Variants in DLGAP2 observed in about 807,000 individuals in gnomAD.
DLGAP2 encodes the protein DLG associated protein 2, also known as disks large-associated protein 2.
DLGAP2 carries 26 observed loss-of-function variants against 100.3 expected under a neutral mutation model. The ratio of observed to expected loss-of-function variants is 0.26; its 90% CI spans 0.19 to 0.36. The LOEUF (loss-of-function observed/expected upper bound fraction) is 0.36, where lower values mean the gene tolerates loss of function less well. Among genes scored for constraint, DLGAP2 ranks in the 10% least tolerant of loss-of-function variants. The probability of loss-of-function intolerance (pLI) is 1.00; values close to 1 mark genes in which losing one functional copy is unlikely to be tolerated. For synonymous variants in DLGAP2, 886 were observed against 630.1 expected (o/e 1.41, Z -6.08); for missense variants, 1,858 against 1,453.2 (o/e 1.28, Z -4.53).
At chr8:1,279,491 C>T (rs1022631263) in intron 3 of DLGAP2, among the ~76,000 whole-genome samples, 4 of 152,180 alleles carry the variant, frequency 2.6e-5, no homozygotes, top group Admixed American at 6.5e-5. Context: ...GAAGGTGCTG[C>T]GGAGGGAAAT....
intron 2 of DLGAP2, among the ~76,000 whole-genome samples, chr8:1,036,012 C>T (rs534578968): frequency 2.6e-5 from 3 of 114,108 alleles, no homozygotes; most frequent in Non-Finnish European, 5.8e-5. Context: ...CTCATCCCGA[C>T]CCCGCGTGTC....
chr8:1,456,653 AAAAAT>A (rs1166624487), intron 3 of DLGAP2, among the ~76,000 whole-genome samples: 2 of 151,862 alleles, frequency 1.3e-5, no homozygotes, highest in Non-Finnish European at 2.9e-5. Context: ...GCATCATTAG[AAAAAT>A]AAAATGAGAC....
At chr8:914,030 A>G (rs1798541982) in intron 2 of DLGAP2, among the ~76,000 whole-genome samples, 1 of 152,268 alleles carries the variant, frequency 6.6e-6, no homozygotes, top group Non-Finnish European at 1.5e-5. Flanking sequence ...GTATTTACAC[A>G]TACAAGATTA....
intron 1 of DLGAP2, among the ~76,000 whole-genome samples, chr8:806,160 T>G (rs940930079): frequency 1.3e-5 from 2 of 152,230 alleles, no homozygotes; most frequent in Admixed American, 6.5e-5. Context: ...TGCAGCTGAC[T>G]TGACTAATCG....
chr8:1,565,942 T>C lies in DLGAP2; in HGVS notation c.1442+48T>C, dbSNP rs199886485. 1,591 of 1,494,420 alleles carry C rather than the reference T, an allele frequency of 1.1e-3. 6 individuals are homozygous for C. Among genetic ancestry groups the C allele is most frequent in the Middle Eastern group, 7.7e-3 (33 of 4,310 alleles). The allele number at this position is 1,494,420 out of a possible 1,614,324, so 92.6% of individuals were successfully genotyped here. A position where few individuals can be genotyped will look rare whatever the true frequency, so the allele number is the denominator to read the frequency against. On this transcript the variant is annotated intron_variant, in intron 6 of 14. Coordinates refer to ENST00000637795, the MANE Select transcript of DLGAP2 (RefSeq NM_001346810.2). ...CCACTCCAAGCACTTTCCCACTGCC[T>C]GCGAGCTCCCTCTCCAAAACCACTT...
chr8:1,271,382 C>T (rs565662996), intron 3 of DLGAP2, among the ~76,000 whole-genome samples: 10 of 152,252 alleles, frequency 6.6e-5, no homozygotes, highest in South Asian at 4.2e-4. Context: ...ACACTGGGGA[C>T]ATAGTGACTT....
At chr8:965,116 G>T (rs544816818) in intron 2 of DLGAP2, among the ~76,000 whole-genome samples, 157 of 123,662 alleles carry the variant, frequency 1.3e-3, no homozygotes, top group African/African-American at 4.9e-3. Context: ...TCCAGAGCCC[G>T]ACCCCCGCAT....
At chr8:1,621,399 C>G (rs113667685) in intron 6 of DLGAP2, 1 of 151,860 alleles carries the variant, frequency 6.6e-6, no homozygotes, top group Non-Finnish European at 1.5e-5. Context: ...GGCTGGGTCA[C>G]TGTTAGCTGC....
chr8:1,203,505 G>A (rs1312944476), intron 2 of DLGAP2, among the ~76,000 whole-genome samples: 1 of 152,178 alleles, frequency 6.6e-6, no homozygotes, highest in East Asian at 1.9e-4. Flanking sequence ...CGTGTCCTGA[G>A]TAGGGATACC....
chr8:1,503,651 C>T (rs895652957), intron 4 of DLGAP2, among the ~76,000 whole-genome samples: 5 of 152,088 alleles, frequency 3.3e-5, no homozygotes, highest in African/African-American at 9.7e-5. Flanking sequence ...TTGGTGGATC[C>T]CATGGTGAAG....
intron 3 of DLGAP2, among the ~76,000 whole-genome samples, chr8:1,298,362 T>C (rs1800242300): frequency 6.6e-6 from 1 of 152,166 alleles, no homozygotes; most frequent in Non-Finnish European, 1.5e-5. Flanking sequence ...TCCTTCCACA[T>C]GATGGCCCCG....
intron 3 of DLGAP2, among the ~76,000 whole-genome samples, chr8:1,445,556 G>C (rs937242115): frequency 6.6e-6 from 1 of 152,070 alleles, no homozygotes; most frequent in African/African-American, 2.4e-5. Context: ...ACACACGCGT[G>C]CACGTGTCTT....
intron 3 of DLGAP2, among the ~76,000 whole-genome samples, chr8:1,380,725 G>A (rs765322859): frequency 3.1e-4 from 47 of 151,902 alleles, no homozygotes; most frequent in Admixed American, 6.6e-4. Context: ...TTAATTACAC[G>A]CTTGCGAAAG....
intron 4 of DLGAP2, among the ~76,000 whole-genome samples, chr8:1,507,465 G>T (rs933133199): frequency 6.6e-6 from 1 of 152,246 alleles, no homozygotes; most frequent in Admixed American, 6.5e-5. Context: ...CGGAGCCCGC[G>T]CCCACCCAGA....
chr8:919,016 C>G (rs1203138277), intron 2 of DLGAP2, among the ~76,000 whole-genome samples: 1 of 152,186 alleles, frequency 6.6e-6, no homozygotes, highest in African/African-American at 2.4e-5. Flanking sequence ...TCAGAACTCA[C>G]TGCAGCCTCA....
At chr8:1,093,184 A>C (rs1342044873) in intron 2 of DLGAP2, among the ~76,000 whole-genome samples, 1 of 152,168 alleles carries the variant, frequency 6.6e-6, no homozygotes, top group African/African-American at 2.4e-5. Context: ...ACAGTCCACC[A>C]ATCTAACCAT....
At chr8:1,074,780 G>A (rs1208598921) in intron 2 of DLGAP2, among the ~76,000 whole-genome samples, 1 of 152,170 alleles carries the variant, frequency 6.6e-6, no homozygotes, top group Non-Finnish European at 1.5e-5. Context: ...CTGGTGTATC[G>A]TTTAAGATTA....
At chr8:848,125 A>G (rs1797104445) in intron 1 of DLGAP2, among the ~76,000 whole-genome samples, 1 of 152,170 alleles carries the variant, frequency 6.6e-6, no homozygotes, top group South Asian at 2.1e-4. Context: ...CTTTTCCAAA[A>G]TGTGACATAG....
intron 6 of DLGAP2, among the ~76,000 whole-genome samples, chr8:1,601,688 G>A (rs1291188481): frequency 6.6e-6 from 1 of 152,058 alleles, no homozygotes; most frequent in Non-Finnish European, 1.5e-5. Context: ...GCCCACAAAC[G>A]TCTCCATTAT....
Sources: allele counts gnomAD v4.1 joint callset (sites outside exome capture counted in the v4.1 genomes callset), GRCh38; gene constraint gnomAD v4.1.1; transcripts MANE v1.5; gene names NCBI Gene and HGNC (gene_info 2026-07-23, HGNC 2026-07-21).